The following ZPBP variants were observed in gnomAD, a reference collection of about 807,000 sequenced individuals.
ZPBP encodes the protein zona pellucida binding protein.
In ZPBP, 26 loss-of-function variants were observed where a neutral mutation model predicts 44.8. The ratio of observed to expected loss-of-function variants is 0.58; its 90% CI spans 0.43 to 0.81. The LOEUF (loss-of-function observed/expected upper bound fraction) is 0.81. Among genes scored for constraint, ZPBP ranks in the 30% least tolerant of loss-of-function variants. The pLI is 0.00. For synonymous variants in ZPBP, 174 were observed against 153.2 expected (o/e 1.14, Z -1.00); for missense variants, 409 against 434.0 (o/e 0.94, Z 0.51).
At chr7:49,859,617 A>G (rs2128719671) in intron 2 of ZPBP, among the ~76,000 whole-genome samples, 1 of 152,330 alleles carries the variant, frequency 6.6e-6, no homozygotes, top group Non-Finnish European at 1.5e-5. Flanking sequence ...ATTCTGTTAC[A>G]CAGGTGTATT....
intron 3 of ZPBP, among the ~76,000 whole-genome samples, chr7:50,078,571 T>G (rs1802214392): frequency 6.6e-6 from 1 of 150,990 alleles, no homozygotes; most frequent in Non-Finnish European, 1.5e-5. Flanking sequence ...AGAAAAATTT[T>G]TAAAAGACTT....
At chr7:50,043,479 A>G (rs1800195278) in intron 4 of ZPBP, among the ~76,000 whole-genome samples, 1 of 152,210 alleles carries the variant, frequency 6.6e-6, no homozygotes, top group South Asian at 2.1e-4. Flanking sequence ...GGGATGGGGG[A>G]ATGTTTGCCA....
chr7:49,939,797 T>C (rs1171647306), intron 7 of ZPBP, among the ~76,000 whole-genome samples: 5 of 152,162 alleles, frequency 3.3e-5, no homozygotes, highest in African/African-American at 1.2e-4. Flanking sequence ...AAAAGAGAAG[T>C]AGGCATTCAT....
At chr7:49,978,050 G>A (rs1331791334) in intron 7 of ZPBP, among the ~76,000 whole-genome samples, 2 of 149,794 alleles carry the variant, frequency 1.3e-5, no homozygotes, top group Non-Finnish European at 1.5e-5. Flanking sequence ...AATGCTACTT[G>A]ATCTACAAGT....
intron 2 of ZPBP, among the ~76,000 whole-genome samples, chr7:49,891,936 A>T (rs1792147015): frequency 6.6e-6 from 1 of 152,162 alleles, no homozygotes; most frequent in Admixed American, 6.5e-5. Flanking sequence ...AAGAGTAGTA[A>T]ATAAATTTTG....
the ZPBP span, among the ~76,000 whole-genome samples, chr7:49,845,114 A>G: frequency 6.6e-6 from 1 of 152,126 alleles, no homozygotes; most frequent in Non-Finnish European, 1.5e-5. Context: ...GGAACAACAC[A>G]CACGGGGCCT....
chr7:50,063,998 T>C (rs1801380121), intron 3 of ZPBP, among the ~76,000 whole-genome samples: 1 of 152,216 alleles, frequency 6.6e-6, no homozygotes. Context: ...CAGGAGGCCA[T>C]TCATTATCTT....
At chr7:49,888,740 G>A (rs1356006415) in intron 2 of ZPBP, among the ~76,000 whole-genome samples, 1 of 151,986 alleles carries the variant, frequency 6.6e-6, no homozygotes, top group Non-Finnish European at 1.5e-5. Context: ...GTAAAACCCC[G>A]TTTCTACTAA....
At position 49,937,582 on chromosome 7, in the gene ZPBP, A is replaced by G; in HGVS notation, c.1002T>C (p.Ile334=). ...SPGSYNPRDG[I]HCLQCNSSLV... ...GGCTGCTATTGCATTGAAGGCAATG[A>G]ATTCCATCACGGGGGTTATATGATC... The change falls in exon 8 of 8, where the codon ATT becomes ATC. Residue 334 remains isoleucine (I), a synonymous_variant. Coordinates refer to ENST00000046087, the MANE Select transcript of ZPBP (RefSeq NM_007009.3). The G allele has an allele frequency of 6.2e-7, 1 of 1,613,998 alleles. No homozygotes were observed. The highest frequency in any genetic ancestry group is 1.1e-5 in the South Asian group (1 of 91,080).
chr7:49,935,789 G>C (rs1387261524), downstream of ZPBP: 1 of 152,098 alleles, frequency 6.6e-6, no homozygotes, highest in Non-Finnish European at 1.5e-5. Flanking sequence ...TCTCATTCTG[G>C]TGTGCCAGTA....
intron 7 of ZPBP, among the ~76,000 whole-genome samples, chr7:49,955,173 G>A (rs1795523639): frequency 6.6e-6 from 1 of 151,996 alleles, no homozygotes; most frequent in African/African-American, 2.4e-5. Context: ...TATAGATAAA[G>A]CAATGTTAGG....
rs1562818896 is a variant in ZPBP, at chr7:49,981,296, ATT to A, written c.961+2044_961+2045del. On this transcript the variant is annotated intron_variant, in intron 7 of 7. Transcript: ENST00000046087. ...ATATAATATATATTATATAATATAT[ATT>A]ATATATAATTATATATTATATAATA... is the stretch of plus-strand genomic sequence containing the variant. 1.0e-4 allele frequency among the ~76,000 whole-genome samples: 7 copies of A among 68,332 alleles called. No homozygotes were observed. The East Asian group carries it at 1.8e-3, about 18-fold the overall frequency. 44.8% of individuals were successfully genotyped at this position (68,332 alleles called of 152,430 possible).
At chr7:49,896,997 G>A (rs1211493798) in intron 2 of ZPBP, among the ~76,000 whole-genome samples, 3 of 148,350 alleles carry the variant, frequency 2.0e-5, no homozygotes, top group East Asian at 2.0e-4. Context: ...CCGGGTTCAC[G>A]CCATTCTCCT....
rs556546642 is a variant in ZPBP, at chr7:49,888,263, C to T, written n.509+12855G>A. Reference sequence around the variant, plus strand: ...CCTTATCTTCTTAGGTTTAATCCTGCTCCTAATTCTACTTTTCCTTATTTG... The same window carrying T: ...CCTTATCTTCTTAGGTTTAATCCTGTTCCTAATTCTACTTTTCCTTATTTG... On this transcript the variant is annotated intron_variant and non_coding_transcript_variant, in intron 2 of 2. Transcript: ENST00000465922. 8.5e-5 allele frequency among the ~76,000 whole-genome samples: 13 copies of T among 152,292 alleles called. No homozygotes were observed. In the East Asian group the frequency reaches 2.5e-3, roughly 29 times the overall value.
intron 3 of ZPBP, among the ~76,000 whole-genome samples, chr7:50,070,474 C>T (rs908513771): frequency 6.6e-6 from 1 of 152,204 alleles, no homozygotes; most frequent in African/African-American, 2.4e-5. Context: ...CCGGGTGAAG[C>T]TCTCCCGTGG....
At chr7:49,936,773 T>C (rs1794631363), downstream of ZPBP, among the ~76,000 whole-genome samples, 2 of 152,238 alleles carry the variant, frequency 1.3e-5, no homozygotes, top group South Asian at 4.1e-4. Context: ...ATCTGTTATA[T>C]AATATTCATT....
intron 3 of ZPBP, among the ~76,000 whole-genome samples, chr7:50,058,522 G>A (rs1037937689): frequency 4.6e-5 from 7 of 151,950 alleles, no homozygotes; most frequent in African/African-American, 1.7e-4. Flanking sequence ...TATATTTAAT[G>A]ATAAATTATG....
chr7:49,869,438 C>T (rs989411220), intron 2 of ZPBP, among the ~76,000 whole-genome samples: 6 of 152,148 alleles, frequency 3.9e-5, no homozygotes, highest in Non-Finnish European at 8.8e-5. Context: ...TCAAAGCCTA[C>T]ACTAGGGTAG....
chr7:49,931,175 T>G (rs965123143), intron 1 of ZPBP, among the ~76,000 whole-genome samples: 7 of 152,340 alleles, frequency 4.6e-5, no homozygotes, highest in African/African-American at 1.4e-4. Flanking sequence ...TTACCCAGTC[T>G]TGGGTATGTC....
Sources: gnomAD v4.1 joint callset for allele counts (sites outside exome capture counted in the v4.1 genomes callset) on GRCh38, gnomAD v4.1.1 for gene constraint, MANE v1.5 for transcripts, NCBI Gene and HGNC (gene_info 2026-07-23, HGNC 2026-07-21) for gene names.